MED23: variants seen among roughly 807,000 people sequenced by gnomAD.
The protein encoded by MED23 is mediator of RNA polymerase II transcription subunit 23.
MED23 carries 105 observed loss-of-function variants against 163.9 expected under a neutral mutation model. The ratio of observed to expected loss-of-function variants is 0.64; its 90% CI spans 0.55 to 0.75. The LOEUF is 0.75. Among genes scored for constraint, MED23 ranks in the 30% least tolerant of loss-of-function variants. The pLI is 0.00. For synonymous variants in MED23, 561 were observed against 565.6 expected (o/e 0.99, Z 0.12); for missense variants, 1,054 against 1,649.0 (o/e 0.64, Z 6.25).
intron 22 of MED23, among the ~76,000 whole-genome samples, chr6:131,595,682 G>A (rs75888058): frequency 0.019 from 2,932 of 152,146 alleles, 106 homozygotes; most frequent in African/African-American, 0.066. Flanking sequence ...GATGCATCAA[G>A]TCCAAATCCT....
chr6:131,575,300 C>T (rs939637508), intron 30 of MED23, among the ~76,000 whole-genome samples: 1 of 152,010 alleles, frequency 6.6e-6, no homozygotes, highest in Non-Finnish European at 1.5e-5. Flanking sequence ...AAATATAGTG[C>T]CCCACATGTA....
chr6:131,596,057 C>T lies in MED23; in HGVS notation c.2885G>A (p.Arg962Gln), dbSNP rs1306481786. The change falls in exon 22 of 29, where the codon CGA becomes CAA. Residue 962 changes from arginine to glutamine, a missense_variant. Coordinates refer to ENST00000368068, the MANE Select transcript of MED23 (RefSeq NM_004830.4). ...LPIYFGNVCL[R>Q]FLPVFDIVIH... ...TACTATATCAAATACTGGAAGGAATCGAAGACACACATTCCCAAAATAGAT... is the reference window on the plus strand; with the variant it reads ...TACTATATCAAATACTGGAAGGAATTGAAGACACACATTCCCAAAATAGAT... The T allele has an allele frequency of 1.9e-6, 3 of 1,613,844 alleles. No homozygotes were observed. Among genetic ancestry groups the T allele is most frequent in the Admixed American group, 1.7e-5 (1 of 60,004 alleles).
rs1270965882 is a variant in MED23, at chr6:131,607,932, T to C, written c.1217A>G (p.Lys406Arg). Residue 406 changes from lysine (K) to arginine (R), a missense_variant, in exon 12 of 29, where the codon AAA (lysine) becomes AGA (arginine). This residue lies in a region of MED23 where 61 missense variants were observed against 154.2 expected (regional missense o/e 0.40). Coordinates refer to ENST00000368068, the MANE Select transcript of MED23 (RefSeq NM_004830.4). ...MKLFDLLYPE[K>R]EYIPVPDINK... is the part of the protein sequence containing the mutation. ...TAGTTACTCAGTAAAGCTTACTTCT[T>C]TTTCTGGGTATAGCAAGTCGAAGAG... is the stretch of plus-strand genomic sequence containing the variant. The C allele has an allele frequency of 6.2e-7, 1 of 1,613,656 alleles. No homozygotes were observed. Among genetic ancestry groups the C allele is most frequent in the African/African-American group, 1.3e-5 (1 of 74,912 alleles).
rs939419910 is a variant in MED23 at position 131,592,952 on chromosome 6, C to A, written c.3398+54G>T. 3.8e-6 allele frequency: 6 copies of A among 1,588,690 alleles called. No individual in the cohort carries two copies. In the African/African-American group the frequency reaches 8.1e-5, roughly 21 times the overall value. ...TGTCTTAAAAGTTTGAAATAGAATA[C>A]CATTCTATTTACAAATAAACAACAA... On this transcript the variant is annotated intron_variant, in intron 24 of 28. Transcript: ENST00000368068.
intron 27 of MED23, 94 bp downstream of exon 27, chr6:131,590,228 G>T: frequency 8.4e-7 from 1 of 1,190,650 alleles, no homozygotes; most frequent in Non-Finnish European, 1.2e-6. Context: ...ACTACTAATG[G>T]TTGTGACCTG....
chr6:131,576,000 C>T (rs1773593195), intron 30 of MED23, among the ~76,000 whole-genome samples: 1 of 152,230 alleles, frequency 6.6e-6, no homozygotes, highest in Admixed American at 6.5e-5. Context: ...TTTCATGTCA[C>T]ACTCTTTCGA....
Position 131,581,261 on chromosome 6 carries a change from T to A in MED23, c.4095+6448A>T, listed in dbSNP as rs1245522728. ...TCTCTGGCCATGCCAGGGTCCACCC[T>A]GATCTTGGAGTCATCTGGGTGGATG... On this transcript the variant is annotated intron_variant, in intron 30 of 30. Transcript: ENST00000354577. 1 of 1,613,940 alleles carries A rather than the reference T, an allele frequency of 6.2e-7. No homozygotes were observed. The highest frequency in any genetic ancestry group is 8.5e-7 in the Non-Finnish European group (1 of 1,179,826).
At chr6:131,605,511 G>C in intron 13 of MED23, 26 bp from the exon 14 acceptor site, 11 of 1,529,098 alleles carry the variant, frequency 7.2e-6, no homozygotes, top group Non-Finnish European at 8.8e-6. Context: ...CCATTAAAAA[G>C]AAAAAATGAA....
chr6:131,624,855 T>G lies in MED23; in HGVS notation c.284+10A>C. ...AAATTCTTCAGATTGCTCATACCCA[T>G]TAAACGTACCTGGGTGGAAGGAGAC... On this transcript the variant is annotated intron_variant, in intron 4 of 28. Coordinates refer to ENST00000368068, the MANE Select transcript of MED23 (RefSeq NM_004830.4). The G allele has an allele frequency of 6.2e-7, 1 of 1,613,678 alleles. No homozygotes were observed. Among genetic ancestry groups the G allele is most frequent in the African/African-American group, 1.3e-5 (1 of 75,046 alleles).
At chr6:131,609,028 G>C (rs1019298762) in intron 11 of MED23, among the ~76,000 whole-genome samples, 1 of 152,002 alleles carries the variant, frequency 6.6e-6, no homozygotes, top group Non-Finnish European at 1.5e-5. Context: ...CCTATTCCAC[G>C]TCAGTGTACC....
At chr6:131,577,013 AGG>A (rs1158523247) in intron 30 of MED23, among the ~76,000 whole-genome samples, 1 of 150,808 alleles carries the variant, frequency 6.6e-6, no homozygotes, top group African/African-American at 2.4e-5. Context: ...GGTGGATGGT[AGG>A]GGAGCCGGGG....
intron 10 of MED23, among the ~76,000 whole-genome samples, chr6:131,612,140 C>A (rs1776320203): frequency 6.6e-6 from 1 of 152,006 alleles, no homozygotes; most frequent in Non-Finnish European, 1.5e-5. Flanking sequence ...GTACCTAATG[C>A]TCCGGTACCT....
At chr6:131,623,694 T>C (rs1238380419) in intron 4 of MED23, among the ~76,000 whole-genome samples, 1 of 152,206 alleles carries the variant, frequency 6.6e-6, no homozygotes, top group African/African-American at 2.4e-5. Context: ...TATATGGGGA[T>C]TCCCCCTTCA....
At position 131,587,345 on chromosome 6, in the gene MED23, C is replaced by A; in HGVS notation, c.*334G>T. The A allele has an allele frequency of 1.8e-6, 2 of 1,118,278 alleles. No homozygotes were observed. Among genetic ancestry groups the A allele is most frequent in the Non-Finnish European group, 2.2e-6 (2 of 914,258 alleles). 69.3% of individuals were successfully genotyped at this position (1,118,278 alleles called of 1,614,324 possible). A position where few individuals can be genotyped will look rare whatever the true frequency, so the allele number is the denominator to read the frequency against. ...AATATGTCATTAATAATAAAAAATA[C>A]AAACAAAAACAACGGCTAGAATAGG... On this transcript the variant is annotated 3_prime_UTR_variant, in exon 29 of 29. Transcript: ENST00000368068.
downstream of MED23, chr6:131,583,270 T>A: frequency 1.9e-6 from 3 of 1,608,632 alleles, no homozygotes; most frequent in Non-Finnish European, 1.7e-6. Context: ...GGTTGCTACT[T>A]TTTATAAAAC....
chr6:131,600,089 A>G lies in MED23; in HGVS notation c.2169T>C (p.Thr723=), dbSNP rs778618898. Residue 723 remains threonine, a synonymous_variant, in exon 18 of 29, where the codon ACT becomes ACC. Transcript: ENST00000368068. Reference sequence around the variant, plus strand: ...GGGTGTGTGAAGCCCAATTATGAGGAGTGAAACTCATGATGGTCTGAAGTA... The same window carrying G: ...GGGTGTGTGAAGCCCAATTATGAGGGGTGAAACTCATGATGGTCTGAAGTA... ...KDILQTIMSF[T]PHNWASHTLS... The G allele has an allele frequency of 1.5e-5, 24 of 1,613,754 alleles. 1 individual carries two copies. In the South Asian group the frequency reaches 2.6e-4, roughly 18 times the overall value.
rs1562369161 is a variant in MED23, at chr6:131,590,426, G to A, written c.3703C>T (p.Leu1235Phe). The change falls in exon 27 of 29, where the codon CTT (leucine) becomes TTT (phenylalanine). Residue 1235 changes from leucine (L) to phenylalanine (F), a missense_variant. Coordinates refer to ENST00000368068, the MANE Select transcript of MED23 (RefSeq NM_004830.4). ...SLIPKFLTEV[L>F]LPIVKTEFQL... ...AATTCGGTCTTCACTATAGGAAGAA[G>A]TACTTCAGTAAGAAACCTAAAATTT... 1 of 1,603,130 alleles carries A rather than the reference G, an allele frequency of 6.2e-7. No homozygotes were observed.
chr6:131,615,233 G>A (rs1344458631), intron 10 of MED23: 22 of 1,473,452 alleles, frequency 1.5e-5, no homozygotes, highest in South Asian at 2.3e-5. Flanking sequence ...TTCAAGCCCC[G>A]ACCATACACG....
At position 131,593,262 on chromosome 6, in the gene MED23, C is replaced by T. The variant is rs951012117; in HGVS notation, c.3233-91G>A. Reference sequence around the variant, plus strand: ...GCTGCCAAGAAGTGATTTGTCTACGCTTAGAGAGATTAAGAGGCAAATGCA... The same window carrying T: ...GCTGCCAAGAAGTGATTTGTCTACGTTTAGAGAGATTAAGAGGCAAATGCA... On this transcript the variant is annotated intron_variant, in intron 23 of 28. Coordinates refer to ENST00000368068, the MANE Select transcript of MED23 (RefSeq NM_004830.4). 2.5e-5 allele frequency: 37 copies of T among 1,505,940 alleles called. No individual in the cohort carries two copies. In the African/African-American group the frequency reaches 4.8e-4, roughly 20 times the overall value. The allele number at this position is 1,505,940 out of a possible 1,614,324, so 93.3% of individuals were successfully genotyped here.
Sources: allele counts gnomAD v4.1 joint callset (sites outside exome capture counted in the v4.1 genomes callset), GRCh38; gene constraint gnomAD v4.1.1; regional missense constraint gnomAD v4.1.1; transcripts MANE v1.5; gene names NCBI Gene and HGNC (gene_info 2026-07-23, HGNC 2026-07-21).